CCSER1: variants seen among roughly 807,000 people sequenced by gnomAD.
The protein encoded by CCSER1 is coiled-coil serine rich protein 1, also known as serine-rich coiled-coil domain-containing protein 1.
A neutral mutation model predicts 82.0 loss-of-function variants in CCSER1; 41 were observed. The ratio of observed to expected loss-of-function variants is 0.50; its 90% CI spans 0.39 to 0.65. The LOEUF is 0.65. Among genes scored for constraint, CCSER1 ranks in the 30% least tolerant of loss-of-function variants. The pLI, the probability that CCSER1 is intolerant of heterozygous loss-of-function variation, is 0.00. For synonymous variants in CCSER1, 414 were observed against 383.9 expected (o/e 1.08, Z -0.92); for missense variants, 1,119 against 1,064.2 (o/e 1.05, Z -0.72).
rs1165958501 is a variant in CCSER1 at position 91,338,835 on chromosome 4, C to CTTTT, written c.2217+252841_2217+252842insTTTT. ...ATCCATAAAATTTCCTGGTGATGCCCACATGCTGATGTAGTTTTCTCTTTA... is the reference window on the plus strand; with the variant it reads ...ATCCATAAAATTTCCTGGTGATGCCCTTTTACATGCTGATGTAGTTTTCTCTTTA... On this transcript the variant is annotated intron_variant, in intron 10 of 10. Coordinates refer to ENST00000509176, the MANE Select transcript of CCSER1 (RefSeq NM_001145065.2). Among the ~76,000 whole-genome samples, 46 of 151,980 alleles carry CTTTT rather than the reference C, an allele frequency of 3.0e-4. 1 individual carries two copies. Among genetic ancestry groups the CTTTT allele is most frequent in the Non-Finnish European group, 1.5e-4 (10 of 67,966 alleles).
chr4:90,553,767 A>G (rs930351858), intron 5 of CCSER1, among the ~76,000 whole-genome samples: 3 of 152,238 alleles, frequency 2.0e-5, no homozygotes, highest in Admixed American at 2.0e-4. Flanking sequence ...AAGTTATTGT[A>G]CAGTGCAGAG....
At chr4:90,957,625 A>G (rs147722274) in intron 9 of CCSER1, among the ~76,000 whole-genome samples, 1,757 of 129,604 alleles carry the variant, frequency 0.014, 24 homozygotes, top group Non-Finnish European at 0.019. Context: ...TATATTGTAT[A>G]TATTCTATAT....
intron 3 of CCSER1, among the ~76,000 whole-genome samples, chr4:90,314,060 C>T (rs1735748297): frequency 6.6e-6 from 1 of 152,084 alleles, no homozygotes; most frequent in Admixed American, 6.6e-5. Context: ...AGTAAGGTAA[C>T]ATTGTGTGAT....
intron 8 of CCSER1, among the ~76,000 whole-genome samples, chr4:90,869,082 C>T (rs1187452942): frequency 6.6e-6 from 1 of 151,738 alleles, no homozygotes. Context: ...GTAGTTTAAG[C>T]TTCTTATATA....
At chr4:90,163,130 T>C (rs1052663859) in intron 1 of CCSER1, among the ~76,000 whole-genome samples, 3 of 152,204 alleles carry the variant, frequency 2.0e-5, no homozygotes, top group African/African-American at 7.2e-5. Flanking sequence ...TCAAATAAAA[T>C]AATCTTTAAA....
At chr4:90,362,388 G>T (rs759352100) in intron 3 of CCSER1, among the ~76,000 whole-genome samples, 2 of 152,122 alleles carry the variant, frequency 1.3e-5, no homozygotes, top group Non-Finnish European at 2.9e-5. Flanking sequence ...CAGAATTTAA[G>T]AAAACATTTA....
intron 7 of CCSER1, among the ~76,000 whole-genome samples, chr4:90,775,043 A>G (rs949895738): frequency 6.6e-6 from 1 of 152,154 alleles, no homozygotes; most frequent in East Asian, 1.9e-4. Flanking sequence ...ATTTATTGAC[A>G]AGATCCTTTT....
At chr4:90,865,684 A>T (rs1765646819) in intron 8 of CCSER1, among the ~76,000 whole-genome samples, 1 of 151,872 alleles carries the variant, frequency 6.6e-6, no homozygotes, top group South Asian at 2.1e-4. Context: ...AGTATGAAAG[A>T]TGTTATAAAT....
At chr4:90,269,539 A>G (rs990937159) in intron 1 of CCSER1, among the ~76,000 whole-genome samples, 25 of 152,044 alleles carry the variant, frequency 1.6e-4, no homozygotes, top group African/African-American at 6.0e-4. Flanking sequence ...AGGTAGTACA[A>G]AAAGGAATTT....
intron 1 of CCSER1, among the ~76,000 whole-genome samples, chr4:90,270,523 C>A (rs1726070209): frequency 6.6e-6 from 1 of 151,978 alleles, no homozygotes; most frequent in Non-Finnish European, 1.5e-5. Context: ...ATGTGATAGA[C>A]CCAGAGCTAG....
chr4:90,580,973 T>G (rs1166461579), intron 5 of CCSER1, among the ~76,000 whole-genome samples: 1 of 152,188 alleles, frequency 6.6e-6, no homozygotes, highest in Non-Finnish European at 1.5e-5. Flanking sequence ...TAGAAAGACC[T>G]TTTTACTTAT....
Position 90,587,096 on chromosome 4 carries a change from A to G in CCSER1, c.1725-40929A>G, listed in dbSNP as rs118103293. ...AATCACCATTATACTGGCTTTGCAA[A>G]TGGATCAAGGTCATGAGCCAAGAAA... On this transcript the variant is annotated intron_variant, in intron 5 of 10. Transcript: ENST00000509176. Among the ~76,000 whole-genome samples, 210 of 152,326 alleles carry G rather than the reference A, an allele frequency of 1.4e-3. 1 individual carries two copies. The East Asian group carries it at 0.038, about 28-fold the overall frequency.
intron 8 of CCSER1, among the ~76,000 whole-genome samples, chr4:90,852,326 C>T (rs1763982481): frequency 6.7e-6 from 1 of 149,578 alleles, no homozygotes; most frequent in South Asian, 2.2e-4. Context: ...CTGGTACTTG[C>T]TGGAAATCTA....
At chr4:91,460,179 A>G (rs547891168) in intron 10 of CCSER1, among the ~76,000 whole-genome samples, 11 of 152,172 alleles carry the variant, frequency 7.2e-5, no homozygotes, top group Admixed American at 7.2e-4. Context: ...AAACAAAAAA[A>G]TTTACATGTG....
intron 5 of CCSER1, among the ~76,000 whole-genome samples, chr4:90,621,513 C>T (rs1397013367): frequency 6.6e-6 from 1 of 150,452 alleles, no homozygotes; most frequent in Non-Finnish European, 1.5e-5. Flanking sequence ...CTGAGACTTG[C>T]CATTTGTTTT....
intron 7 of CCSER1, among the ~76,000 whole-genome samples, chr4:90,803,103 G>A (rs1414521240): frequency 2.0e-5 from 3 of 152,124 alleles, no homozygotes; most frequent in East Asian, 3.9e-4. Context: ...CAAACTTGAT[G>A]TGTTTGAGAA....
chr4:91,214,167 C>A (rs1018124579), intron 10 of CCSER1, among the ~76,000 whole-genome samples: 7 of 152,024 alleles, frequency 4.6e-5, no homozygotes, highest in Non-Finnish European at 7.4e-5. Context: ...AGTGAGAAAC[C>A]ACACTTGAAT....
intron 8 of CCSER1, among the ~76,000 whole-genome samples, chr4:90,922,802 G>A (rs115246027): frequency 0.011 from 1,687 of 152,148 alleles, 41 homozygotes; most frequent in African/African-American, 0.038. Context: ...CTCAGAAATC[G>A]TAGTTTCGCA....
In CCSER1 at chr4:90,752,675, A is replaced by G. The variant is rs1194910124; in HGVS notation, c.2010+28684A>G. Among the ~76,000 whole-genome samples the G allele has an allele frequency of 2.0e-5, 3 of 152,174 alleles. No individual in the cohort carries two copies. The East Asian group carries it at 5.8e-4, about 29-fold the overall frequency. On this transcript the variant is annotated intron_variant, in intron 7 of 10. Transcript: ENST00000509176. ...CCTTCATCTCACATCTTCCCCCTAC[A>G]GCCTCTTCTCCAGATATACTCATTT... is the stretch of plus-strand genomic sequence containing the variant.
Sources: gnomAD v4.1 joint callset for allele counts (sites outside exome capture counted in the v4.1 genomes callset) on GRCh38, gnomAD v4.1.1 for gene constraint, MANE v1.5 for transcripts, NCBI Gene and HGNC (gene_info 2026-07-23, HGNC 2026-07-21) for gene names.